The following CDH8 variants were observed in gnomAD, a reference collection of about 807,000 sequenced individuals.
The protein encoded by CDH8 is cadherin 8.
A neutral mutation model predicts 68.1 loss-of-function variants in CDH8; 17 were observed. The ratio of observed to expected loss-of-function variants is 0.25; its 90% confidence interval spans 0.17 to 0.37. The LOEUF (loss-of-function observed/expected upper bound fraction) is 0.37. CDH8 is among the 10% of genes least tolerant of loss of function. The pLI is 1.00. For synonymous variants in CDH8, 372 were observed against 365.1 expected (o/e 1.02, Z -0.21); for missense variants, 763 against 999.3 (o/e 0.76, Z 3.19).
At chr16:61,706,179 G>C (rs1051890090) in intron 10 of CDH8, among the ~76,000 whole-genome samples, 2 of 152,186 alleles carry the variant, frequency 1.3e-5, no homozygotes, top group Non-Finnish European at 2.9e-5. Context: ...AAACTTTACA[G>C]CAACTGTTAA....
intron 10 of CDH8, among the ~76,000 whole-genome samples, chr16:61,656,199 G>T (rs12446872): frequency 2.6e-5 from 4 of 152,046 alleles, no homozygotes; most frequent in African/African-American, 4.8e-5. Context: ...CATGGACCAG[G>T]ACAACCATAA....
Position 61,652,535 on chromosome 16 carries a change from A to G in CDH8, c.*1073T>C. 9.7e-7 allele frequency: 1 copy of G among 1,028,054 alleles called. No homozygotes were observed. Among genetic ancestry groups the G allele is most frequent in the Non-Finnish European group, 1.2e-6 (1 of 858,214 alleles). 63.7% of individuals were successfully genotyped at this position (1,028,054 alleles called of 1,614,324 possible). A position where few individuals can be genotyped will look rare whatever the true frequency, so the allele number is the denominator to read the frequency against. On this transcript the variant is annotated 3_prime_UTR_variant, in exon 12 of 12. Transcript: ENST00000577390. ...GTTCCTGCCATCTCCAGTTACAATA[A>G]CACTTTCTACTCTAAAGAGACTATT... is the stretch of plus-strand genomic sequence containing the variant.
At chr16:61,710,496 C>A (rs1357179870) in intron 10 of CDH8, among the ~76,000 whole-genome samples, 1 of 152,014 alleles carries the variant, frequency 6.6e-6, no homozygotes, top group Non-Finnish European at 1.5e-5. Flanking sequence ...ATATTTCAGT[C>A]AATGAGGAGA....
chr16:61,694,297 G>A (rs906297603), intron 10 of CDH8, among the ~76,000 whole-genome samples: 1 of 152,178 alleles, frequency 6.6e-6, no homozygotes, highest in Admixed American at 6.5e-5. Flanking sequence ...TGGGGAAGGT[G>A]TCATACTCTG....
rs550089622 is a variant in CDH8 at position 62,035,306 on chromosome 16, T to C, written c.-200+774A>G. ...GAAAGCGCAGGTCTGGGCTCAGCTG[T>C]CCCTAGGAGAGCGGCTACGGAGTCC... On this transcript the variant is annotated intron_variant, in intron 1 of 11. Transcript: ENST00000577390. Among the ~76,000 whole-genome samples the C allele has an allele frequency of 5.9e-3, 892 of 152,250 alleles. 3 individuals carry two copies. The highest frequency in any genetic ancestry group is 9.3e-3 in the Non-Finnish European group (635 of 68,024).
intron 4 of CDH8, among the ~76,000 whole-genome samples, chr16:61,841,190 G>A (rs541001892): frequency 2.0e-5 from 3 of 152,224 alleles, no homozygotes; most frequent in East Asian, 1.9e-4. Context: ...ATATTCCTTC[G>A]ATATTCTTAT....
intron 2 of CDH8, among the ~76,000 whole-genome samples, chr16:62,011,095 A>C (rs548942708): frequency 6.6e-6 from 1 of 151,856 alleles, no homozygotes; most frequent in Non-Finnish European, 1.5e-5. Flanking sequence ...GGGAGAAATA[A>C]AAATATGCAT....
At chr16:61,676,866 A>C (rs1417293178) in intron 10 of CDH8, among the ~76,000 whole-genome samples, 1 of 152,100 alleles carries the variant, frequency 6.6e-6, no homozygotes, top group African/African-American at 2.4e-5. Context: ...ATATGTGTGC[A>C]AAGGATTGAC....
At chr16:61,659,553 T>A (rs993865977) in intron 10 of CDH8, among the ~76,000 whole-genome samples, 2 of 152,144 alleles carry the variant, frequency 1.3e-5, no homozygotes, top group Non-Finnish European at 2.9e-5. Flanking sequence ...TGGTCCCTAC[T>A]CATGGGAGAG....
chr16:61,757,351 A>T (rs563373161), intron 8 of CDH8, among the ~76,000 whole-genome samples: 3 of 152,200 alleles, frequency 2.0e-5, no homozygotes, highest in African/African-American at 7.2e-5. Context: ...TACAACTATT[A>T]AGGTATTTAA....
At chr16:61,731,697 A>C (rs544207555) in intron 8 of CDH8, among the ~76,000 whole-genome samples, 4 of 151,912 alleles carry the variant, frequency 2.6e-5, no homozygotes, top group African/African-American at 9.6e-5. Context: ...TATTGAAAAT[A>C]TCTAGTTTCC....
intron 2 of CDH8, among the ~76,000 whole-genome samples, chr16:61,910,482 T>C (rs1179067962): frequency 6.6e-6 from 1 of 152,122 alleles, no homozygotes; most frequent in Non-Finnish European, 1.5e-5. Context: ...TTAAAAGTGT[T>C]CAGACTGTGG....
intron 2 of CDH8, among the ~76,000 whole-genome samples, chr16:61,958,283 GA>G (rs1965020345): frequency 6.6e-6 from 1 of 152,158 alleles, no homozygotes; most frequent in Admixed American, 6.6e-5. Context: ...CCAGTCAAAA[GA>G]AAAGCAAGCA....
At chr16:61,728,565 C>G (rs1282326947) in intron 8 of CDH8, among the ~76,000 whole-genome samples, 2 of 151,020 alleles carry the variant, frequency 1.3e-5, no homozygotes, top group Non-Finnish European at 3.0e-5. Context: ...AGGAAACATG[C>G]TCTTTCCTAG....
intron 8 of CDH8, among the ~76,000 whole-genome samples, chr16:61,788,199 A>T (rs1187435908): frequency 6.6e-6 from 1 of 152,114 alleles, no homozygotes; most frequent in Admixed American, 6.6e-5. Flanking sequence ...TCACAAAACC[A>T]GAAAAAACAT....
chr16:61,819,669 G>C (rs1962165048), intron 6 of CDH8, among the ~76,000 whole-genome samples: 1 of 152,058 alleles, frequency 6.6e-6, no homozygotes, highest in African/African-American at 2.4e-5. Context: ...TAGGTCTCCA[G>C]TGTTAAGATC....
intron 4 of CDH8, among the ~76,000 whole-genome samples, chr16:61,832,585 G>T (rs1179360324): frequency 1.3e-5 from 2 of 151,640 alleles, no homozygotes; most frequent in East Asian, 3.9e-4. Flanking sequence ...TTTAAACTAA[G>T]AACTTATTCT....
intron 2 of CDH8, among the ~76,000 whole-genome samples, chr16:61,975,768 T>G (rs952091504): frequency 6.6e-6 from 1 of 152,164 alleles, no homozygotes; most frequent in African/African-American, 2.4e-5. Context: ...AAGGATATTC[T>G]GTTTTTAAGG....
At chr16:61,844,659 T>A (rs1962766643) in intron 4 of CDH8, among the ~76,000 whole-genome samples, 1 of 152,176 alleles carries the variant, frequency 6.6e-6, no homozygotes, top group African/African-American at 2.4e-5. Context: ...GATCTCAGAA[T>A]AGATTTCATT....
Sources: gnomAD v4.1 joint callset for allele counts (sites outside exome capture counted in the v4.1 genomes callset) on GRCh38, gnomAD v4.1.1 for gene constraint, MANE v1.5 for transcripts, NCBI Gene and HGNC (gene_info 2026-07-23, HGNC 2026-07-21) for gene names.